TESK2: variants seen among roughly 807,000 people sequenced by gnomAD.
TESK2 encodes dual specificity testis-specific protein kinase 2.
Under a neutral mutation model 57.1 loss-of-function variants are expected in TESK2, and 39 were observed. That is an observed-to-expected ratio of 0.68 (90% CI 0.53 to 0.89). The LOEUF (loss-of-function observed/expected upper bound fraction) is 0.89. TESK2 is among the 40% of genes least tolerant of loss of function. The pLI is 0.00. For missense variants in TESK2, 646 were observed against 732.1 expected, an observed-to-expected ratio of 0.88 and a Z score of 1.36; for synonymous variants, 249 against 267.9, an observed-to-expected ratio of 0.93 and a Z score of 0.69.
At position 45,345,477 on chromosome 1, in the gene TESK2, C is replaced by T. The variant is rs368634063; in HGVS notation, c.1079G>A (p.Arg360His). 1.0e-4 allele frequency: 169 copies of T among 1,613,988 alleles called. No individual in the cohort carries two copies. Among genetic ancestry groups the T allele is most frequent in the Non-Finnish European group, 1.4e-4 (160 of 1,180,032 alleles). ...KIPHKSPCPR[R>H]TIWLSRSQSD... ...CTGGCTTCGAGACAGCCAGATGGTACGTCTTGGGCATGGTGACTTGTGGGG... is the reference window on the plus strand; with the variant it reads ...CTGGCTTCGAGACAGCCAGATGGTATGTCTTGGGCATGGTGACTTGTGGGG... Residue 360 changes from arginine to histidine, a missense_variant, in exon 11 of 11, where the codon CGT (arginine) becomes CAT (histidine). By Grantham distance (29) the Arg-to-His change is conservative. Coordinates refer to ENST00000372086, the MANE Select transcript of TESK2 (RefSeq NM_007170.3).
At chr1:45,354,182 A>C (rs1250438990) in intron 5 of TESK2, among the ~76,000 whole-genome samples, 1 of 152,244 alleles carries the variant, frequency 6.6e-6, no homozygotes. Flanking sequence ...GATTGAAGTT[A>C]AACATGAAGG....
chr1:45,455,422 A>C (rs1652050595), intron 2 of TESK2, among the ~76,000 whole-genome samples: 1 of 152,174 alleles, frequency 6.6e-6, no homozygotes, highest in African/African-American at 2.4e-5. Context: ...GGCCCACTTC[A>C]AAACCCTTAA....
chr1:45,398,983 G>GAA (rs372886401), intron 3 of TESK2: 15,443 of 234,306 alleles, frequency 0.066, 439 homozygotes, highest in South Asian at 0.092. Flanking sequence ...ACTAGGACCT[G>GAA]AAAAAAAAAA....
At chr1:45,366,206 C>T (rs1386133768) in intron 4 of TESK2, among the ~76,000 whole-genome samples, 1 of 152,098 alleles carries the variant, frequency 6.6e-6, no homozygotes, top group Non-Finnish European at 1.5e-5. Flanking sequence ...CCTGCATCAG[C>T]CTCCTGAGTA....
intron 8 of TESK2, 63 bp from the exon 9 acceptor site, chr1:45,346,842 G>T: frequency 1.3e-6 from 2 of 1,554,502 alleles, no homozygotes; most frequent in Non-Finnish European, 1.8e-6. Context: ...ATCCTAGCCT[G>T]CTCAGTAGAA....
rs754900158 is a variant in TESK2 at position 45,344,920 on chromosome 1, C to T, written c.1636G>A (p.Glu546Lys). The T allele has an allele frequency of 1.9e-6, 3 of 1,614,202 alleles. No individual in the cohort carries two copies. The highest frequency in any genetic ancestry group is 3.3e-5 in the Admixed American group (2 of 60,030). Residue 546 changes from glutamate (E) to lysine (K), a missense_variant, in exon 11 of 11, where the codon GAA becomes AAA. Coordinates refer to ENST00000372086, the MANE Select transcript of TESK2 (RefSeq NM_007170.3). ...GCTGGAGTTGAGCCTGCTGGCCTTT[C>T]TTCTACCTCCATCTCCTCAGAAGCA... is the stretch of plus-strand genomic sequence containing the variant. Reference protein sequence around the residue: ...AGASEEMEVEERPAGSTPATF... With the variant: ...AGASEEMEVEKRPAGSTPATF...
intron 2 of TESK2, among the ~76,000 whole-genome samples, chr1:45,443,074 T>C (rs1651506828): frequency 6.6e-6 from 1 of 152,130 alleles, no homozygotes. Context: ...AGCCAACATA[T>C]CCGGCCTACT....
At chr1:45,365,550 G>A (rs977389571) in intron 4 of TESK2, among the ~76,000 whole-genome samples, 1 of 148,046 alleles carries the variant, frequency 6.8e-6, no homozygotes, top group Non-Finnish European at 1.5e-5. Flanking sequence ...AGTTTCCCTC[G>A]TTGCCCAGGC....
intron 1 of TESK2, among the ~76,000 whole-genome samples, chr1:45,485,707 A>AG (rs1442829282): frequency 9.5e-5 from 14 of 147,736 alleles, no homozygotes; most frequent in Admixed American, 2.1e-4. Context: ...TTTAGTAGAG[A>AG]AGGGGGTTTC....
intron 1 of TESK2, among the ~76,000 whole-genome samples, chr1:45,474,501 G>A (rs1652905140): frequency 6.6e-6 from 1 of 151,854 alleles, no homozygotes; most frequent in Non-Finnish European, 1.5e-5. Context: ...GAGACGGAAT[G>A]TCTCTCTGTC....
At chr1:45,452,426 T>C (rs1651907073) in intron 2 of TESK2, among the ~76,000 whole-genome samples, 1 of 151,840 alleles carries the variant, frequency 6.6e-6, no homozygotes, top group African/African-American at 2.4e-5. Flanking sequence ...ACAAAAAAAA[T>C]CAACACAACA....
In TESK2 at chr1:45,344,863, T is replaced by C; in HGVS notation, c.1693A>G (p.Thr565Ala). The change falls in exon 11 of 11, where the codon ACC becomes GCC. Residue 565 changes from threonine (T) to alanine (A), a missense_variant. By Grantham distance (58) the Thr-to-Ala change is moderately conservative. Transcript: ENST00000372086. The part of the protein sequence containing the change: ...TFSTSGIGLQ[T>A]QGKQDG ...CCTCACCCATCCTGCTTTCCCTGGG[T>C]TTGCAGGCCTATGCCTGAGGTGGAG... The C allele has an allele frequency of 6.2e-7, 1 of 1,613,036 alleles. No homozygotes were observed. Among genetic ancestry groups the C allele is most frequent in the Non-Finnish European group, 8.5e-7 (1 of 1,179,952 alleles).
At chr1:45,421,090 T>A (rs1207100370) in intron 3 of TESK2, among the ~76,000 whole-genome samples, 1 of 151,902 alleles carries the variant, frequency 6.6e-6, no homozygotes, top group Non-Finnish European at 1.5e-5. Context: ...AACTCTGACT[T>A]TACGAAAAAT....
At chr1:45,422,728 G>A (rs1650522647) in intron 2 of TESK2, among the ~76,000 whole-genome samples, 1 of 121,414 alleles carries the variant, frequency 8.2e-6, no homozygotes, top group South Asian at 2.8e-4. Flanking sequence ...ACAGGTGTGA[G>A]CCACCATGCC....
intron 2 of TESK2, among the ~76,000 whole-genome samples, chr1:45,455,598 G>A (rs1342264232): frequency 6.6e-6 from 1 of 152,170 alleles, no homozygotes; most frequent in Non-Finnish European, 1.5e-5. Flanking sequence ...ACAGAAGGGA[G>A]AATTAGTGAG....
intron 3 of TESK2, among the ~76,000 whole-genome samples, chr1:45,411,127 A>G (rs533528048): frequency 2.2e-4 from 34 of 152,334 alleles, no homozygotes; most frequent in African/African-American, 7.5e-4. Flanking sequence ...GCTAGAGATC[A>G]CAAGATTTGT....
At chr1:45,358,680 GT>G (rs1647549448) in intron 4 of TESK2, among the ~76,000 whole-genome samples, 1 of 151,574 alleles carries the variant, frequency 6.6e-6, no homozygotes, top group Admixed American at 6.6e-5. Flanking sequence ...CATTAATAAG[GT>G]TTGAGGGTAG....
intron 4 of TESK2, among the ~76,000 whole-genome samples, chr1:45,370,826 T>C (rs1648147246): frequency 6.6e-6 from 1 of 152,058 alleles, no homozygotes; most frequent in Non-Finnish European, 1.5e-5. Flanking sequence ...AGATAAGCAG[T>C]AGCAAGATCA....
Position 45,345,933 on chromosome 1 carries a change from C to T in TESK2, c.941G>A (p.Ser314Asn). 6.2e-7 allele frequency: 1 copy of T among 1,614,168 alleles called. No individual in the cohort carries two copies. The change falls in exon 10 of 11, where the codon AGC (serine) becomes AAC (asparagine). Residue 314 changes from serine to asparagine, a missense_variant. Transcript: ENST00000372086. The stretch of plus-strand genomic sequence containing the variant: ...CTCCTGCTCTTCTTCCTGTAGGCGG[C>T]TCAGAATTTCCTCCAGGGTCTTCCC... Reference protein sequence around the residue: ...EIGKTLEEILSRLQEEEQERD... With the variant: ...EIGKTLEEILNRLQEEEQERD...
Sources: gnomAD v4.1 joint callset for allele counts (sites outside exome capture counted in the v4.1 genomes callset) on GRCh38, gnomAD v4.1.1 for gene constraint, MANE v1.5 for transcripts, NCBI Gene and HGNC (gene_info 2026-07-23, HGNC 2026-07-21) for gene names.